OR10A2: variants seen among roughly 807,000 people sequenced by gnomAD.
The protein encoded by OR10A2 is olfactory receptor 10A2.
Under a neutral mutation model 13.7 loss-of-function variants are expected in OR10A2, and 15 were observed. The ratio of observed to expected loss-of-function variants is 1.10; its 90% confidence interval spans 0.73 to 1.69. The LOEUF (loss-of-function observed/expected upper bound fraction) is 1.69, where lower values mean the gene tolerates loss of function less well. Ranked by LOEUF, OR10A2 falls within the 40% of genes most tolerant of loss-of-function variation. The probability of loss-of-function intolerance (pLI) is 0.00; values close to 1 mark genes in which losing one functional copy is unlikely to be tolerated. For missense variants in OR10A2, 343 were observed against 361.1 expected, an observed-to-expected ratio of 0.95 and a Z score of 0.41; for synonymous variants, 145 against 144.7, an observed-to-expected ratio of 1.00 and a Z score of -0.02.
Position 6,870,253 on chromosome 11 carries a change from G to A in OR10A2, c.499G>A (p.Asp167Asn). The change falls in exon 2 of 2, where the codon GAC becomes AAC. Residue 167 changes from aspartate (D) to asparagine (N), a missense_variant. Physicochemically the swap from Asp to Asn is conservative, Grantham distance 23. Transcript: ENST00000641461. ...GTNKVNHFFCDSPPVLRLVCA... is the reference protein window; with the variant it reads ...GTNKVNHFFCNSPPVLRLVCA... Reference sequence around the variant, plus strand: ...CAACAAGGTGAACCACTTCTTCTGTGACAGCCCACCTGTGCTGAGGCTGGT... The same window carrying A: ...CAACAAGGTGAACCACTTCTTCTGTAACAGCCCACCTGTGCTGAGGCTGGT... 6.2e-7 allele frequency: 1 copy of A among 1,614,144 alleles called. No homozygotes were observed.
Position 6,872,810 on chromosome 11 carries a change from T to C in OR10A2, c.*2144T>C, listed in dbSNP as rs1162201850. 1.6e-5 allele frequency: 2 copies of C among 123,722 alleles called. No individual in the cohort carries two copies. Among genetic ancestry groups the C allele is most frequent in the East Asian group, 5.0e-4 (2 of 4,004 alleles). 7.7% of individuals were successfully genotyped at this position (123,722 alleles called of 1,614,324 possible). A position where few individuals can be genotyped will look rare whatever the true frequency, so the allele number is the denominator to read the frequency against. ...ACACAAGTGTTTCTCTTTTCTTTTC[T>C]TTCTTTCTTTTTTTTTTTTTTTTTG... On this transcript the variant is annotated 3_prime_UTR_variant, in exon 2 of 2. Transcript: ENST00000641461.
chr11:6,870,947 CTTTTT>C lies in OR10A2; in HGVS notation c.*294_*298del, dbSNP rs35120311. The C allele has an allele frequency of 2.2e-5, 3 of 138,564 alleles. No homozygotes were observed. The highest frequency in any genetic ancestry group is 1.8e-4 in the South Asian group (1 of 5,506). 8.6% of individuals were successfully genotyped at this position (138,564 alleles called of 1,614,324 possible). A position where few individuals can be genotyped will look rare whatever the true frequency, so the allele number is the denominator to read the frequency against. On this transcript the variant is annotated 3_prime_UTR_variant, in exon 2 of 2. Coordinates refer to ENST00000641461, the MANE Select transcript of OR10A2 (RefSeq NM_001004460.2). ...CCAACTATTTCCAGGTGTTATATTTCTTTTTTTTTTTTTTTTTGAGACGGAGTCTC... is the reference window on the plus strand; with the variant it reads ...CCAACTATTTCCAGGTGTTATATTTCTTTTTTTTTTTTGAGACGGAGTCTC...
intron 1 of OR10A2, among the ~76,000 whole-genome samples, chr11:6,866,018 T>C (rs550184446): frequency 3.3e-5 from 5 of 152,324 alleles, no homozygotes; most frequent in African/African-American, 1.2e-4. Context: ...TAATAAAATA[T>C]GTGTCTGTTT....
rs539769980 is a variant in OR10A2 at position 6,870,379 on chromosome 11, G to A, written c.625G>A (p.Ala209Thr). 2.4e-5 allele frequency: 39 copies of A among 1,614,128 alleles called. 1 individual carries two copies. In the South Asian group the frequency reaches 4.0e-4, roughly 16 times the overall value. ...LLILCSYTHI[A>T]AAILKIPSAK... is the part of the protein sequence containing the mutation. ...GATCTTGTGTTCCTATACTCACATTGCTGCTGCCATCCTCAAGATCCCATC... is the reference window on the plus strand; with the variant it reads ...GATCTTGTGTTCCTATACTCACATTACTGCTGCCATCCTCAAGATCCCATC... Residue 209 changes from alanine (A) to threonine (T), a missense_variant, in exon 2 of 2, where the codon GCT becomes ACT. By Grantham distance (58) the Ala-to-Thr change is moderately conservative. Transcript: ENST00000641461.
At position 6,870,566 on chromosome 11, in the gene OR10A2, T is replaced by C. The variant is rs1848422882; in HGVS notation, c.812T>C (p.Met271Thr). Residue 271 changes from methionine to threonine, a missense_variant, in exon 2 of 2, where the codon ATG becomes ACG. Physicochemically the swap from Met to Thr is moderately conservative, Grantham distance 81. Coordinates refer to ENST00000641461, the MANE Select transcript of OR10A2 (RefSeq NM_001004460.2). The part of the protein sequence containing the change: ...LSLSYTVMTP[M>T]LNPIIYSLRN... ...TTGTCCTACACTGTTATGACTCCCA[T>C]GTTGAACCCCATTATCTACAGCCTG... 6.2e-7 allele frequency: 1 copy of C among 1,614,098 alleles called. No individual in the cohort carries two copies. Among genetic ancestry groups the C allele is most frequent in the Non-Finnish European group, 8.5e-7 (1 of 1,179,946 alleles).
At chr11:6,868,272 C>T (rs1382894700) in intron 1 of OR10A2, among the ~76,000 whole-genome samples, 5 of 152,030 alleles carry the variant, frequency 3.3e-5, no homozygotes, top group Non-Finnish European at 7.4e-5. Flanking sequence ...TTAAACATAA[C>T]CTTGAAGTTC....
chr11:6,864,613 C>A (rs1848365851), intron 1 of OR10A2, among the ~76,000 whole-genome samples: 1 of 152,078 alleles, frequency 6.6e-6, no homozygotes, highest in African/African-American at 2.4e-5. Flanking sequence ...TATCACATGA[C>A]AGACAGAGCT....
rs758387748 is a variant in OR10A2 at position 6,869,974 on chromosome 11, G to T, written c.220G>T (p.Ala74Ser). ...IVPKMLGTLL[A>S]QDTTISFLGC... ...GCCCAAAATGCTGGGGACCCTGCTT[G>T]CCCAGGACACAACCATCTCCTTCCT... The change falls in exon 2 of 2, where the codon GCC (alanine) becomes TCC (serine). Residue 74 changes from alanine (A) to serine (S), a missense_variant. By Grantham distance (99) the Ala-to-Ser change is moderately conservative (BLOSUM62 1). Coordinates refer to ENST00000641461, the MANE Select transcript of OR10A2 (RefSeq NM_001004460.2). The T allele has an allele frequency of 5.0e-6, 8 of 1,614,038 alleles. No individual in the cohort carries two copies. In the African/African-American group the frequency reaches 9.3e-5, roughly 19 times the overall value.
intron 1 of OR10A2, among the ~76,000 whole-genome samples, chr11:6,865,780 G>GACATAATCATTTCTGTCA: frequency 6.6e-6 from 1 of 152,214 alleles, no homozygotes; most frequent in South Asian, 2.1e-4. Flanking sequence ...TTTTACAGGA[G>GACATAATCATTTCTGTCA]ACATAATCAT....
chr11:6,863,841 T>C (rs1564919586), intron 1 of OR10A2, among the ~76,000 whole-genome samples: 1 of 152,180 alleles, frequency 6.6e-6, no homozygotes, highest in Non-Finnish European at 1.5e-5. Flanking sequence ...CAAAGGGATG[T>C]TCCTAGGGAA....
At chr11:6,866,482 A>G (rs1471240293) in intron 1 of OR10A2, among the ~76,000 whole-genome samples, 1 of 152,196 alleles carries the variant, frequency 6.6e-6, no homozygotes, top group Non-Finnish European at 1.5e-5. Flanking sequence ...GGAAGCCAAA[A>G]GATTGAACAT....
Position 6,863,161 on chromosome 11 carries a change from A to G in OR10A2, c.-323A>G, listed in dbSNP as rs1197400184. Reference sequence around the variant, plus strand: ...GTGAGCTTACTTGCCTCTGACACACAAGGCAGCAGTGAGCTGGCTACAGCT... The same window carrying G: ...GTGAGCTTACTTGCCTCTGACACACGAGGCAGCAGTGAGCTGGCTACAGCT... On this transcript the variant is annotated 5_prime_UTR_variant, in exon 1 of 2. Transcript: ENST00000641461. 1.3e-5 allele frequency: 2 copies of G among 152,142 alleles called. No individual in the cohort carries two copies. The highest frequency in any genetic ancestry group is 4.8e-5 in the African/African-American group (2 of 41,432). 9.4% of individuals were successfully genotyped at this position (152,142 alleles called of 1,614,324 possible).
Position 6,874,419 on chromosome 11 carries a change from T to G in OR10A2, c.*3753T>G, listed in dbSNP as rs1848465300. Reference sequence around the variant, plus strand: ...AAGTGGTATTCCAGTTCTCCAATGTTACTAATATATTGAAATTTTCTGCCC... The same window carrying G: ...AAGTGGTATTCCAGTTCTCCAATGTGACTAATATATTGAAATTTTCTGCCC... On this transcript the variant is annotated 3_prime_UTR_variant, in exon 2 of 2. Coordinates refer to ENST00000641461, the MANE Select transcript of OR10A2 (RefSeq NM_001004460.2). 1 of 152,204 alleles carries G rather than the reference T, an allele frequency of 6.6e-6. No homozygotes were observed. The allele number at this position is 152,204 out of a possible 1,614,324, so 9.4% of individuals were successfully genotyped here. A position where few individuals can be genotyped will look rare whatever the true frequency, so the allele number is the denominator to read the frequency against.
At position 6,863,274 on chromosome 11, in the gene OR10A2, A is replaced by G. The variant is rs1848354136; in HGVS notation, c.-210A>G. 6.7e-6 allele frequency: 1 copy of G among 150,068 alleles called. No individual in the cohort carries two copies. Among genetic ancestry groups the G allele is most frequent in the African/African-American group, 2.4e-5 (1 of 40,894 alleles). The allele number at this position is 150,068 out of a possible 1,614,324, so 9.3% of individuals were successfully genotyped here. A position where few individuals can be genotyped will look rare whatever the true frequency, so the allele number is the denominator to read the frequency against. On this transcript the variant is annotated 5_prime_UTR_variant, in exon 1 of 2. The change creates a new upstream start codon in the 5' untranslated region. Transcript: ENST00000641461. ...GCTGAAACAGAAATAGAGCTGTTATATTACATGCATGAAGGACATGCATGA... is the reference window on the plus strand; with the variant it reads ...GCTGAAACAGAAATAGAGCTGTTATGTTACATGCATGAAGGACATGCATGA...
In OR10A2 at chr11:6,873,172, A is replaced by G. The variant is rs7115661; in HGVS notation, c.*2506A>G. ...AAAAGCTTATGTAATGCAAACCTTT[A>G]CATTAAAAATATTATGGGGAAGTAG... On this transcript the variant is annotated 3_prime_UTR_variant, in exon 2 of 2. Coordinates refer to ENST00000641461, the MANE Select transcript of OR10A2 (RefSeq NM_001004460.2). The G allele has an allele frequency of 0.32, 49,126 of 151,744 alleles. 8,413 individuals are homozygous for G. The highest frequency in any genetic ancestry group is 0.41 in the South Asian group (1,967 of 4,808). 9.4% of individuals were successfully genotyped at this position (151,744 alleles called of 1,614,324 possible).
chr11:6,872,382 ATAC>A lies in OR10A2; in HGVS notation c.*1720_*1722del, dbSNP rs1416260014. On this transcript the variant is annotated 3_prime_UTR_variant, in exon 2 of 2. Coordinates refer to ENST00000641461, the MANE Select transcript of OR10A2 (RefSeq NM_001004460.2). ...TTAATAAATACATTAAATTTTGTAT[ATAC>A]TACATGTAGAAACTGTACATGTACT... The A allele has an allele frequency of 3.9e-5, 6 of 152,348 alleles. No individual in the cohort carries two copies. Among genetic ancestry groups the A allele is most frequent in the African/African-American group, 9.6e-5 (4 of 41,578 alleles). 9.4% of individuals were successfully genotyped at this position (152,348 alleles called of 1,614,324 possible). A position where few individuals can be genotyped will look rare whatever the true frequency, so the allele number is the denominator to read the frequency against.
Position 6,874,668 on chromosome 11 carries a change from T to C in OR10A2, c.*4002T>C, listed in dbSNP as rs764345747. ...AGATTCCTTGACTGTAAAATGGGTA[T>C]AATACTATCTGTATCTTCAGGTGTT... is the stretch of plus-strand genomic sequence containing the variant. On this transcript the variant is annotated 3_prime_UTR_variant, in exon 2 of 2. Transcript: ENST00000641461. 2.0e-5 allele frequency: 3 copies of C among 152,244 alleles called. No individual in the cohort carries two copies. Among genetic ancestry groups the C allele is most frequent in the Admixed American group, 6.5e-5 (1 of 15,282 alleles). 9.4% of individuals were successfully genotyped at this position (152,244 alleles called of 1,614,324 possible).
At position 6,871,758 on chromosome 11, in the gene OR10A2, C is replaced by T. The variant is rs1848437853; in HGVS notation, c.*1092C>T. ...TTCTCCTTCTTATAATCTGGTAGTA[C>T]TCTATTTGTAGATGTGCCCTAATTT... On this transcript the variant is annotated 3_prime_UTR_variant, in exon 2 of 2. Transcript: ENST00000641461. 6.6e-6 allele frequency: 1 copy of T among 152,168 alleles called. No individual in the cohort carries two copies. Among genetic ancestry groups the T allele is most frequent in the Admixed American group, 6.5e-5 (1 of 15,284 alleles). The allele number at this position is 152,168 out of a possible 1,614,324, so 9.4% of individuals were successfully genotyped here. A position where few individuals can be genotyped will look rare whatever the true frequency, so the allele number is the denominator to read the frequency against.
Position 6,869,930 on chromosome 11 carries a change from G to T in OR10A2, c.176G>T (p.Gly59Val), listed in dbSNP as rs1402519780. Reference protein sequence around the residue: ...FLRNLSFLEIGFNLVIVPKML... With the variant: ...FLRNLSFLEIVFNLVIVPKML... ...AGAAACTTATCTTTCCTGGAGATTGGCTTCAACCTAGTCATTGTGCCCAAA... is the reference window on the plus strand; with the variant it reads ...AGAAACTTATCTTTCCTGGAGATTGTCTTCAACCTAGTCATTGTGCCCAAA... The change falls in exon 2 of 2, where the codon GGC (glycine) becomes GTC (valine). Residue 59 changes from glycine (G) to valine (V), a missense_variant. Coordinates refer to ENST00000641461, the MANE Select transcript of OR10A2 (RefSeq NM_001004460.2). 6.2e-7 allele frequency: 1 copy of T among 1,613,940 alleles called. No individual in the cohort carries two copies. The highest frequency in any genetic ancestry group is 8.5e-7 in the Non-Finnish European group (1 of 1,179,988).
Sources: allele counts gnomAD v4.1 joint callset (sites outside exome capture counted in the v4.1 genomes callset), GRCh38; gene constraint gnomAD v4.1.1; transcripts MANE v1.5; gene names NCBI Gene and HGNC (gene_info 2026-07-23, HGNC 2026-07-21).